The following TCF12 variants were observed in gnomAD, a reference collection of about 807,000 sequenced individuals.
TCF12 encodes DNA-binding protein HTF4.
TCF12 carries 45 observed loss-of-function variants against 86.0 expected under a neutral mutation model. That is an observed-to-expected ratio of 0.52 (90% CI 0.41 to 0.67). TCF12 has a LOEUF of 0.67. TCF12 is among the 30% of genes least tolerant of loss of function. The probability of loss-of-function intolerance (pLI) is 0.00; values close to 1 mark genes in which losing one functional copy is unlikely to be tolerated. For synonymous variants in TCF12, 330 were observed against 299.6 expected (o/e 1.10, Z -1.05); for missense variants, 881 against 859.9 (o/e 1.02, Z -0.31).
chr15:57,254,565 A>G (rs2060258185), intron 16 of TCF12, among the ~76,000 whole-genome samples: 1 of 152,084 alleles, frequency 6.6e-6, no homozygotes, highest in African/African-American at 2.4e-5. Flanking sequence ...TAAGTTATTA[A>G]ACTAGTAAAA....
intron 3 of TCF12, among the ~76,000 whole-genome samples, chr15:57,054,304 A>T (rs2067836615): frequency 6.6e-6 from 1 of 152,218 alleles, no homozygotes; most frequent in Non-Finnish European, 1.5e-5. Context: ...AATCAGCAAA[A>T]ATTCATTAAA....
At chr15:56,960,666 G>T (rs1392996038) in intron 3 of TCF12, among the ~76,000 whole-genome samples, 1 of 151,322 alleles carries the variant, frequency 6.6e-6, no homozygotes, top group Non-Finnish European at 1.5e-5. Flanking sequence ...CTGACCTCAG[G>T]TGATCTGCCT....
intron 7 of TCF12, among the ~76,000 whole-genome samples, chr15:57,193,374 G>A (rs1472173102): frequency 6.6e-6 from 1 of 152,166 alleles, no homozygotes; most frequent in Admixed American, 6.5e-5. Context: ...TACTGCAAAA[G>A]CAAACTTTGT....
chr15:57,271,726 A>T (rs1157031772), intron 18 of TCF12, among the ~76,000 whole-genome samples: 1 of 152,226 alleles, frequency 6.6e-6, no homozygotes, highest in African/African-American at 2.4e-5. Context: ...TCTTGGAAGC[A>T]ACCCACCTCG....
rs1167924543 is a variant in TCF12 at position 56,921,071 on chromosome 15, C to T, written c.121C>T (p.Leu41=). 2.5e-6 allele frequency: 4 copies of T among 1,609,124 alleles called. No homozygotes were observed. The highest frequency in any genetic ancestry group is 2.2e-5 in the East Asian group (1 of 44,566). ...VNSGKTRPTT[L]GSSQFSGSGI... is the part of the protein sequence containing the mutation. ...TAGTGGGAAAACTAGACCAACTACA[C>T]TGGGAAGCAGTCAATTCAGTGGATC... The change falls in exon 3 of 21, where the codon CTG becomes TTG. Residue 41 remains leucine, a synonymous_variant. Coordinates refer to ENST00000333725, the MANE Select transcript of TCF12 (RefSeq NM_207037.2).
Position 57,234,060 on chromosome 15 carries a change from G to T in TCF12, c.988G>T (p.Ala330Ser), listed in dbSNP as rs773217083. The change falls in exon 12 of 21, where the codon GCT becomes TCT. Residue 330 changes from alanine to serine, a missense_variant. Around this residue, in one of 3 missense-constraint regions of TCF12, gnomAD observed 766 missense variants for 718.9 expected, o/e 1.07. Coordinates refer to ENST00000333725, the MANE Select transcript of TCF12 (RefSeq NM_207037.2). ...ATATCCAGGAACCAGAGGGAATGCT[G>T]CTGGAAGCTCACAGACAGGTGATGC... ...DSILGTRGNA[A>S]GSSQTGDALG... 1 of 1,613,522 alleles carries T rather than the reference G, an allele frequency of 6.2e-7. No individual in the cohort carries two copies. Among genetic ancestry groups the T allele is most frequent in the Admixed American group, 1.7e-5 (1 of 60,004 alleles).
intron 3 of TCF12, among the ~76,000 whole-genome samples, chr15:56,955,761 T>C (rs551840614): frequency 2.6e-5 from 4 of 152,290 alleles, no homozygotes; most frequent in Non-Finnish European, 5.9e-5. Context: ...TAGTTTGTAG[T>C]GTTGTTCAAG....
At chr15:57,259,027 T>C (rs1446809260) in intron 16 of TCF12, among the ~76,000 whole-genome samples, 3 of 152,176 alleles carry the variant, frequency 2.0e-5, no homozygotes, top group Non-Finnish European at 4.4e-5. Flanking sequence ...AAGATTTTAC[T>C]TTTAACCACT....
At chr15:56,998,284 C>A (rs2063818140) in intron 3 of TCF12, among the ~76,000 whole-genome samples, 2 of 151,830 alleles carry the variant, frequency 1.3e-5, no homozygotes, top group Admixed American at 6.6e-5. Context: ...TGGTGAAACC[C>A]CCTCTTTACT....
intron 6 of TCF12, among the ~76,000 whole-genome samples, chr15:57,179,380 C>T (rs1288811540): frequency 6.6e-6 from 1 of 151,908 alleles, no homozygotes; most frequent in Non-Finnish European, 1.5e-5. Flanking sequence ...CCCAGCTACT[C>T]GGGAGGCTGA....
At chr15:57,118,266 G>A (rs937943508) in intron 5 of TCF12, 14 of 152,118 alleles carry the variant, frequency 9.2e-5, no homozygotes, top group African/African-American at 3.1e-4. Flanking sequence ...GCAAATTGAA[G>A]GGCAGTGATT....
chr15:57,007,778 CTTTCTTTCTT>C (rs1370967781), intron 3 of TCF12, among the ~76,000 whole-genome samples: 2 of 48,032 alleles, frequency 4.2e-5, no homozygotes, highest in East Asian at 1.4e-3. Flanking sequence ...TTCTTTCTTT[CTTTCTTTCTT>C]TCTCTCTTTC....
At chr15:57,207,683 A>C (rs1242314654) in intron 8 of TCF12, among the ~76,000 whole-genome samples, 1 of 152,166 alleles carries the variant, frequency 6.6e-6, no homozygotes, top group Non-Finnish European at 1.5e-5. Context: ...GTCTCAAAAA[A>C]CAACAACAAA....
chr15:57,046,487 G>A (rs1453947975), intron 3 of TCF12, among the ~76,000 whole-genome samples: 1 of 152,150 alleles, frequency 6.6e-6, no homozygotes, highest in Non-Finnish European at 1.5e-5. Flanking sequence ...CTGTTGCCCA[G>A]GCTGGAGTGC....
chr15:57,179,087 T>C (rs1042988873), intron 6 of TCF12, among the ~76,000 whole-genome samples: 4 of 152,210 alleles, frequency 2.6e-5, no homozygotes, highest in African/African-American at 9.7e-5. Flanking sequence ...AATTTCCTAT[T>C]GCGACTAATA....
At chr15:56,941,373 A>AT (rs34543266) in intron 3 of TCF12, among the ~76,000 whole-genome samples, 54,478 of 143,134 alleles carry the variant, frequency 0.38, 12,258 homozygotes, top group Non-Finnish European at 0.51. Context: ...TCTCAAAAAA[A>AT]TTTTTTTTTT....
At chr15:56,924,083 C>T (rs1325913041) in intron 3 of TCF12, among the ~76,000 whole-genome samples, 1 of 151,710 alleles carries the variant, frequency 6.6e-6, no homozygotes, top group African/African-American at 2.4e-5. Flanking sequence ...TGACATAGGG[C>T]CAGAAAAATG....
chr15:57,152,936 C>G (rs1243424306), intron 5 of TCF12, among the ~76,000 whole-genome samples: 1 of 151,698 alleles, frequency 6.6e-6, no homozygotes, highest in African/African-American at 2.4e-5. Flanking sequence ...ATCTTGAAGA[C>G]AACCAGAGGC....
At chr15:56,930,526 G>GT (rs2060200341) in intron 3 of TCF12, among the ~76,000 whole-genome samples, 1 of 152,148 alleles carries the variant, frequency 6.6e-6, no homozygotes, top group South Asian at 2.1e-4. Flanking sequence ...TTTAGAAAAT[G>GT]TTTTTTAGTG....
Sources: gnomAD v4.1 joint callset for allele counts (sites outside exome capture counted in the v4.1 genomes callset) on GRCh38, gnomAD v4.1.1 for gene constraint, gnomAD v4.1.1 regional missense constraint, MANE v1.5 for transcripts, NCBI Gene and HGNC (gene_info 2026-07-23, HGNC 2026-07-21) for gene names.